The following RAB30 variants were observed in gnomAD, a reference collection of about 807,000 sequenced individuals.
The protein encoded by RAB30 is RAB30, member RAS oncogene family.
In RAB30, 9 loss-of-function variants were observed where a neutral mutation model predicts 25.1. The ratio of observed to expected loss-of-function variants is 0.36; its 90% CI spans 0.22 to 0.63. RAB30 has a LOEUF of 0.63. Ranked by LOEUF, RAB30 falls within the 20% of genes least tolerant of loss-of-function variation. The pLI is 0.69. For synonymous variants in RAB30, 77 were observed against 86.4 expected, an observed-to-expected ratio of 0.89 and a Z score of 0.60; for missense variants, 140 against 243.5, an observed-to-expected ratio of 0.58 and a Z score of 2.83.
At chr11:82,984,906 C>A (rs1339060168) in intron 4 of RAB30, among the ~76,000 whole-genome samples, 7 of 152,160 alleles carry the variant, frequency 4.6e-5, no homozygotes, top group African/African-American at 1.7e-4. Flanking sequence ...TGAAGAAGCT[C>A]CCACTGGCAA....
intron 1 of RAB30, among the ~76,000 whole-genome samples, chr11:83,061,182 C>T (rs558000676): frequency 6.6e-6 from 1 of 152,176 alleles, no homozygotes; most frequent in East Asian, 1.9e-4. Flanking sequence ...CATAATCACA[C>T]GAGCCTATCG....
At chr11:82,985,320 G>A (rs1272989948) in intron 4 of RAB30, among the ~76,000 whole-genome samples, 1 of 152,144 alleles carries the variant, frequency 6.6e-6, no homozygotes, top group Non-Finnish European at 1.5e-5. Flanking sequence ...ATAAACAGAT[G>A]TCAATAGTTA....
chr11:83,025,935 T>C (rs751337209), intron 1 of RAB30, among the ~76,000 whole-genome samples: 5 of 152,206 alleles, frequency 3.3e-5, no homozygotes, highest in Non-Finnish European at 7.3e-5. Context: ...ACATCTATAA[T>C]CCCAGCACTT....
chr11:82,997,342 G>C lies in RAB30; in HGVS notation c.-8-18C>G, dbSNP rs1016811273. 2.6e-6 allele frequency: 4 copies of C among 1,542,402 alleles called. No individual in the cohort carries two copies. In the African/African-American group the frequency reaches 5.5e-5, roughly 21 times the overall value. On this transcript the variant is annotated intron_variant, in intron 1 of 4. Coordinates refer to ENST00000527633, the MANE Select transcript of RAB30 (RefSeq NM_001286060.2). ...TTACACAGCTGCAAGGCAAACACAG[G>C]CAAAAGTGAGAAAGGCCCAGTCAGA... is the stretch of plus-strand genomic sequence containing the variant.
At chr11:83,028,486 G>A (rs1336117995) in intron 1 of RAB30, among the ~76,000 whole-genome samples, 1 of 152,090 alleles carries the variant, frequency 6.6e-6, no homozygotes, top group Non-Finnish European at 1.5e-5. Context: ...CCCAGCACAC[G>A]AAGCACACTG....
chr11:82,992,072 T>C (rs940611755), intron 3 of RAB30, among the ~76,000 whole-genome samples: 1 of 152,152 alleles, frequency 6.6e-6, no homozygotes, highest in Non-Finnish European at 1.5e-5. Context: ...CTCATATATA[T>C]ATGAATGGAA....
intron 1 of RAB30, among the ~76,000 whole-genome samples, chr11:83,052,861 G>A (rs1240393311): frequency 6.6e-6 from 1 of 152,154 alleles, no homozygotes; most frequent in East Asian, 1.9e-4. Flanking sequence ...ATTTTTATGA[G>A]CCACTTCTAA....
At chr11:83,062,837 C>T (rs1188326610) in intron 1 of RAB30, among the ~76,000 whole-genome samples, 2 of 151,452 alleles carry the variant, frequency 1.3e-5, no homozygotes, top group Admixed American at 1.3e-4. Flanking sequence ...CCCATCTCTA[C>T]TAAAAATACA....
At chr11:83,021,965 A>G (rs966171149) in intron 1 of RAB30, among the ~76,000 whole-genome samples, 1 of 152,230 alleles carries the variant, frequency 6.6e-6, no homozygotes, top group African/African-American at 2.4e-5. Flanking sequence ...TATGTATTTC[A>G]TTAGATCATC....
intron 4 of RAB30, 73 bp downstream of exon 4, chr11:82,987,514 G>A (rs1167388508): frequency 1.4e-6 from 2 of 1,405,074 alleles, no homozygotes; most frequent in Non-Finnish European, 1.9e-6. Context: ...AGGCACCAAT[G>A]TATAAGCTTT....
chr11:83,038,010 G>T (rs1189988464), intron 1 of RAB30, among the ~76,000 whole-genome samples: 2 of 152,180 alleles, frequency 1.3e-5, no homozygotes, highest in Non-Finnish European at 2.9e-5. Flanking sequence ...TTGGGAGTGG[G>T]AGAGGGTGAA....
chr11:83,055,546 T>A (rs1858441027), intron 1 of RAB30, among the ~76,000 whole-genome samples: 1 of 152,280 alleles, frequency 6.6e-6, no homozygotes, highest in Admixed American at 6.5e-5. Flanking sequence ...TTCTAACACT[T>A]ATTACTTCTC....
chr11:83,014,637 AGAAAG>A (rs1358038815), intron 1 of RAB30, among the ~76,000 whole-genome samples: 46 of 44,270 alleles, frequency 1.0e-3, no homozygotes, highest in Non-Finnish European at 1.9e-3. Context: ...AGTAAGAAAA[AGAAAG>A]AAAGAAAGAA....
chr11:82,997,609 G>C (rs149360353), intron 1 of RAB30: 3 of 326,812 alleles, frequency 9.2e-6, no homozygotes, highest in Non-Finnish European at 1.7e-5. Context: ...GTTTCCTCCT[G>C]TGATAAATCT....
In RAB30 at chr11:83,011,018, C is replaced by T. The variant is rs561380912; in HGVS notation, c.-8-13694G>A. On this transcript the variant is annotated intron_variant, in intron 1 of 4. Coordinates refer to ENST00000527633, the MANE Select transcript of RAB30 (RefSeq NM_001286060.2). The stretch of plus-strand genomic sequence containing the variant: ...GTCAGGACTGCAGCTATGAAAAATA[C>T]ACATGTATATCAACAAGGGCATTTC... Among the ~76,000 whole-genome samples the T allele has an allele frequency of 3.3e-5, 5 of 152,248 alleles. No individual in the cohort carries two copies. In the South Asian group the frequency reaches 1.0e-3, roughly 32 times the overall value.
At chr11:83,010,466 A>G (rs1458272128) in intron 1 of RAB30, among the ~76,000 whole-genome samples, 1 of 152,148 alleles carries the variant, frequency 6.6e-6, no homozygotes, top group Admixed American at 6.5e-5. Flanking sequence ...TAAATAAATA[A>G]ATACTTAGAA....
rs558049937 is a variant in RAB30, at chr11:82,997,596, G to A, written c.-8-272C>T. The A allele has an allele frequency of 2.3e-4, 83 of 353,368 alleles. 2 individuals carry two copies. The South Asian group carries it at 2.8e-3, about 12-fold the overall frequency. 21.9% of individuals were successfully genotyped at this position (353,368 alleles called of 1,614,324 possible). A position where few individuals can be genotyped will look rare whatever the true frequency, so the allele number is the denominator to read the frequency against. On this transcript the variant is annotated intron_variant, in intron 1 of 4. Coordinates refer to ENST00000527633, the MANE Select transcript of RAB30 (RefSeq NM_001286060.2). ...CTTTATTCCTCCAAGCTATCATGTC[G>A]CAGTTTCCTCCTGTGATAAATCTGT...
intron 3 of RAB30, among the ~76,000 whole-genome samples, chr11:82,992,904 G>A (rs1856886746): frequency 1.3e-5 from 2 of 152,098 alleles, no homozygotes; most frequent in Admixed American, 1.3e-4. Flanking sequence ...ATGCCACCAT[G>A]ACCAGACAAT....
At chr11:83,003,126 G>T (rs1263096205) in intron 1 of RAB30, among the ~76,000 whole-genome samples, 1 of 152,118 alleles carries the variant, frequency 6.6e-6, no homozygotes, top group East Asian at 1.9e-4. Flanking sequence ...GAAGTAAGAG[G>T]GCCTGGATCT....
Sources: gnomAD v4.1 joint callset for allele counts (sites outside exome capture counted in the v4.1 genomes callset) on GRCh38, gnomAD v4.1.1 for gene constraint, MANE v1.5 for transcripts, NCBI Gene and HGNC (gene_info 2026-07-23, HGNC 2026-07-21) for gene names.